CNTN5: variants seen among roughly 807,000 people sequenced by gnomAD.
CNTN5 encodes the protein contactin 5, also known as contactin-5.
A neutral mutation model predicts 129.1 loss-of-function variants in CNTN5; 77 were observed. That is an observed-to-expected ratio of 0.60 (90% CI 0.50 to 0.72). The LOEUF (loss-of-function observed/expected upper bound fraction) is 0.72. Among genes scored for constraint, CNTN5 ranks in the 30% least tolerant of loss-of-function variants. The probability of loss-of-function intolerance (pLI) is 0.00; values close to 1 mark genes in which losing one functional copy is unlikely to be tolerated. For missense variants in CNTN5, 1,478 were observed against 1,328.8 expected (o/e 1.11, Z -1.75); for synonymous variants, 509 against 465.6 (o/e 1.09, Z -1.20).
At position 100,085,801 on chromosome 11, in the gene CNTN5, T is replaced by C. The variant is rs187585846; in HGVS notation, c.1580+11507T>C. Reference sequence around the variant, plus strand: ...TGAGAGCGTCCTAATTCTGTTTGAATCTAAAACCTGTTCTCAGTCTACTGT... The same window carrying C: ...TGAGAGCGTCCTAATTCTGTTTGAACCTAAAACCTGTTCTCAGTCTACTGT... On this transcript the variant is annotated intron_variant, in intron 13 of 24. Transcript: ENST00000524871. Among the ~76,000 whole-genome samples, 3 of 152,200 alleles carry C rather than the reference T, an allele frequency of 2.0e-5. No individual in the cohort carries two copies. In the East Asian group the frequency reaches 5.8e-4, roughly 29 times the overall value.
At chr11:100,228,833 TCA>T (rs1480296547) in intron 16 of CNTN5, among the ~76,000 whole-genome samples, 20 of 152,178 alleles carry the variant, frequency 1.3e-4, no homozygotes, top group Admixed American at 1.3e-3. Flanking sequence ...GCGTACATTC[TCA>T]GTGTCACAGA....
At chr11:99,035,822 G>A (rs1863691464) in intron 1 of CNTN5, among the ~76,000 whole-genome samples, 1 of 149,114 alleles carries the variant, frequency 6.7e-6, no homozygotes, top group African/African-American at 2.5e-5. Context: ...TATGATGTTA[G>A]CTGGTTATTT....
At chr11:99,070,482 A>G (rs1865298547) in intron 1 of CNTN5, among the ~76,000 whole-genome samples, 1 of 152,108 alleles carries the variant, frequency 6.6e-6, no homozygotes, top group South Asian at 2.1e-4. Flanking sequence ...AGGCAGAATC[A>G]TTTCTAGTAT....
chr11:99,609,598 C>G (rs1950535611), intron 3 of CNTN5, among the ~76,000 whole-genome samples: 1 of 152,022 alleles, frequency 6.6e-6, no homozygotes, highest in African/African-American at 2.4e-5. Context: ...GGTTGATATG[C>G]CTATCCTGGT....
chr11:99,337,474 G>A (rs879164284), intron 2 of CNTN5, among the ~76,000 whole-genome samples: 1 of 152,206 alleles, frequency 6.6e-6, no homozygotes, highest in African/African-American at 2.4e-5. Flanking sequence ...GAAGGGATAG[G>A]CCGAATTAAT....
At chr11:99,679,066 G>A (rs1028477991) in intron 3 of CNTN5, among the ~76,000 whole-genome samples, 6 of 144,526 alleles carry the variant, frequency 4.2e-5, no homozygotes, top group Non-Finnish European at 7.5e-5. Flanking sequence ...ACTTATATAT[G>A]TCTTCTATAT....
chr11:100,107,470 T>A (rs1005415711), intron 13 of CNTN5, among the ~76,000 whole-genome samples: 1 of 150,952 alleles, frequency 6.6e-6, no homozygotes, highest in Admixed American at 6.6e-5. Flanking sequence ...TATTTCCAGA[T>A]GCTGCAACTA....
chr11:99,784,592 C>T (rs1489685232), intron 3 of CNTN5, among the ~76,000 whole-genome samples: 2 of 151,962 alleles, frequency 1.3e-5, no homozygotes, highest in Admixed American at 6.6e-5. Context: ...TATACCCAGT[C>T]ATAGGATTGC....
chr11:99,061,701 GA>G (rs1864886499), intron 1 of CNTN5, among the ~76,000 whole-genome samples: 1 of 152,052 alleles, frequency 6.6e-6, no homozygotes, highest in South Asian at 2.1e-4. Flanking sequence ...CAATCTCTGT[GA>G]ACTTGCGGTC....
intron 3 of CNTN5, among the ~76,000 whole-genome samples, chr11:99,616,773 G>T (rs1305989476): frequency 6.6e-6 from 1 of 152,192 alleles, no homozygotes; most frequent in African/African-American, 2.4e-5. Context: ...ATTTTTCACA[G>T]AGGGTAGAGG....
intron 1 of CNTN5, among the ~76,000 whole-genome samples, chr11:99,061,330 G>A (rs1211140364): frequency 6.6e-6 from 1 of 152,142 alleles, no homozygotes; most frequent in African/African-American, 2.4e-5. Context: ...TGTGTGGGGA[G>A]AGGGACAGAG....
chr11:100,301,126 A>C (rs2138896633), intron 20 of CNTN5, among the ~76,000 whole-genome samples: 1 of 151,778 alleles, frequency 6.6e-6, no homozygotes, highest in South Asian at 2.1e-4. Flanking sequence ...ATTGCTCAAA[A>C]GATCTATTTT....
chr11:99,970,359 A>G (rs1245107954), intron 8 of CNTN5, among the ~76,000 whole-genome samples: 2 of 152,244 alleles, frequency 1.3e-5, no homozygotes, highest in Non-Finnish European at 2.9e-5. Flanking sequence ...CAAATTCACA[A>G]GAGTGACATG....
chr11:99,499,484 T>G (rs1946348401), intron 2 of CNTN5, among the ~76,000 whole-genome samples: 1 of 152,152 alleles, frequency 6.6e-6, no homozygotes, highest in South Asian at 2.1e-4. Context: ...ACCGGACAAC[T>G]GAACCTGCTG....
At chr11:99,247,508 C>A (rs1408108778) in intron 1 of CNTN5, among the ~76,000 whole-genome samples, 4 of 151,726 alleles carry the variant, frequency 2.6e-5, no homozygotes, top group African/African-American at 4.8e-5. Context: ...ATGTGCACAA[C>A]GTGCAGGTTA....
chr11:99,228,061 T>C (rs1430409361), intron 1 of CNTN5, among the ~76,000 whole-genome samples: 1 of 152,000 alleles, frequency 6.6e-6, no homozygotes, highest in Non-Finnish European at 1.5e-5. Flanking sequence ...GTTGGATATT[T>C]TCACTTTTTT....
intron 3 of CNTN5, among the ~76,000 whole-genome samples, chr11:99,724,174 G>A (rs74428744): frequency 0.018 from 2,741 of 152,168 alleles, 72 homozygotes; most frequent in African/African-American, 0.058. Flanking sequence ...AGCATGTTCC[G>A]TCTTATGCCT....
At chr11:100,284,228 G>C (rs1054577291) in intron 18 of CNTN5, among the ~76,000 whole-genome samples, 14 of 152,176 alleles carry the variant, frequency 9.2e-5, no homozygotes, top group Non-Finnish European at 1.5e-4. Context: ...AATACTGTGA[G>C]TGCTCACCTG....
chr11:99,135,291 C>G (rs17133131), intron 1 of CNTN5, among the ~76,000 whole-genome samples: 3,153 of 152,110 alleles, frequency 0.021, 110 homozygotes, highest in African/African-American at 0.073. Flanking sequence ...ACATCCTCTG[C>G]AGTAAATGAG....
Sources: gnomAD v4.1 joint callset for allele counts (sites outside exome capture counted in the v4.1 genomes callset) on GRCh38, gnomAD v4.1.1 for gene constraint, MANE v1.5 for transcripts, NCBI Gene and HGNC (gene_info 2026-07-23, HGNC 2026-07-21) for gene names.